The following SPOCK2 variants were observed in gnomAD, a reference collection of about 807,000 sequenced individuals.
SPOCK2 encodes SPARC (osteonectin), cwcv and kazal like domains proteoglycan 2, also known as testican-2.
A neutral mutation model predicts 60.1 loss-of-function variants in SPOCK2; 39 were observed. That is an observed-to-expected ratio of 0.65 (90% CI 0.50 to 0.85). SPOCK2 has a LOEUF of 0.85. Ranked by LOEUF, SPOCK2 falls within the 40% of genes least tolerant of loss-of-function variation. The pLI, the probability that SPOCK2 is intolerant of heterozygous loss-of-function variation, is 0.00. For synonymous variants in SPOCK2, 217 were observed against 231.5 expected, an observed-to-expected ratio of 0.94 and a Z score of 0.57; for missense variants, 523 against 567.4, an observed-to-expected ratio of 0.92 and a Z score of 0.80.
In SPOCK2 at chr10:72,067,841, A is replaced by T. The variant is rs1031267615; in HGVS notation, c.590-109T>A. On this transcript the variant is annotated intron_variant, in intron 6 of 10. Transcript: ENST00000373109. ...CCAGGAGGCTGGGCAGGGGTCCGGG[A>T]GGCAGCAGCAGAAGGGAAGGTGGAA... 5 of 1,484,626 alleles carry T rather than the reference A, an allele frequency of 3.4e-6. No individual in the cohort carries two copies. The African/African-American group carries it at 7.0e-5, about 21-fold the overall frequency. The allele number at this position is 1,484,626 out of a possible 1,614,324, so 92.0% of individuals were successfully genotyped here.
At chr10:72,080,675 C>T (rs868796496) in intron 1 of SPOCK2, among the ~76,000 whole-genome samples, 1 of 151,936 alleles carries the variant, frequency 6.6e-6, no homozygotes, top group Non-Finnish European at 1.5e-5. Context: ...TTGGAGGGGG[C>T]GGCAGAGGCT....
intron 1 of SPOCK2, chr10:72,086,965 T>C (rs1305364954): frequency 2.6e-6 from 4 of 1,551,590 alleles, no homozygotes; most frequent in Middle Eastern, 1.7e-4. Context: ...GTGGCCTGCG[T>C]TGTACTGGGT....
At chr10:72,077,662 A>C (rs1245560) in intron 1 of SPOCK2, among the ~76,000 whole-genome samples, 77,122 of 151,992 alleles carry the variant, frequency 0.51, 19,669 homozygotes, top group African/African-American at 0.54. Context: ...GATGAAAAAG[A>C]ACAGCCATTC....
At chr10:72,084,280 C>T (rs1488792995) in intron 1 of SPOCK2, among the ~76,000 whole-genome samples, 1 of 152,248 alleles carries the variant, frequency 6.6e-6, no homozygotes, top group Non-Finnish European at 1.5e-5. Context: ...TGGCAAGGTG[C>T]CTTCACACCT....
At position 72,063,127 on chromosome 10, in the gene SPOCK2, A is replaced by C. The variant is rs1840518797; in HGVS notation, c.1027T>G (p.Tyr343Asp). ...CTCTGGTCACACTGCATCTTCCGGT[A>C]GTAGCCATCCTCGTCGCAGCTCGGG... ...FIPSCDEDGY[Y>D]RKMQCDQSSG... The change falls in exon 10 of 11, where the codon TAC (tyrosine) becomes GAC (aspartate). Residue 343 changes from tyrosine to aspartate, a missense_variant. Physicochemically the swap from Tyr to Asp is radical, Grantham distance 160. Coordinates refer to ENST00000373109, the MANE Select transcript of SPOCK2 (RefSeq NM_001244950.2). 1.3e-6 allele frequency: 2 copies of C among 1,556,548 alleles called. No homozygotes were observed. The highest frequency in any genetic ancestry group is 1.7e-6 in the Non-Finnish European group (2 of 1,149,766).
At position 72,072,253 on chromosome 10, in the gene SPOCK2, C is replaced by A; in HGVS notation, c.250G>T (p.Asp84Tyr). The change falls in exon 4 of 11, where the codon GAT (aspartate) becomes TAT (tyrosine). Residue 84 changes from aspartate to tyrosine, a missense_variant. Physicochemically the swap from Asp to Tyr is radical, Grantham distance 160 (BLOSUM62 -3). Transcript: ENST00000373109. ...TTCTGGCAGGGGTCCTTGGTGGTAT[C>A]CAGGGCTGCAGGGGCACAGAGTCAG... ...EDNQQGDEAL[D>Y]TTKDPCQKVK... 6.5e-7 allele frequency: 1 copy of A among 1,533,180 alleles called. No homozygotes were observed. Among genetic ancestry groups the A allele is most frequent in the Non-Finnish European group, 8.8e-7 (1 of 1,139,202 alleles). 95.0% of individuals were successfully genotyped at this position (1,533,180 alleles called of 1,614,324 possible).
At chr10:72,081,940 G>A (rs537179939) in intron 1 of SPOCK2, among the ~76,000 whole-genome samples, 3 of 152,230 alleles carry the variant, frequency 2.0e-5, no homozygotes, top group South Asian at 2.1e-4. Flanking sequence ...CAGTGCACAC[G>A]TTTACATTGA....
At position 72,059,946 on chromosome 10, in the gene SPOCK2, A is replaced by G. The variant is rs1840470136; in HGVS notation, c.*2814T>C. ...GGAGTTCCAGGACCAAGCAAGCAAG[A>G]AACCGTTCTTTGAACACATGGTTAA... On this transcript the variant is annotated 3_prime_UTR_variant, in exon 11 of 11. Transcript: ENST00000373109. 6.5e-6 allele frequency: 1 copy of G among 152,742 alleles called. No homozygotes were observed. Among genetic ancestry groups the G allele is most frequent in the African/African-American group, 2.4e-5 (1 of 41,454 alleles). The allele number at this position is 152,742 out of a possible 1,614,324, so 9.5% of individuals were successfully genotyped here.
chr10:72,062,671 C>T lies in SPOCK2; in HGVS notation c.*89G>A. ...CCCAGGTGGAGCAGGGTCCTTCTGA[C>T]TGCATTTCTGGATCCGTTCTCGAAG... On this transcript the variant is annotated 3_prime_UTR_variant, in exon 11 of 11. Coordinates refer to ENST00000373109, the MANE Select transcript of SPOCK2 (RefSeq NM_001244950.2). The surrounding 1 kb of genome is among the most constrained non-coding windows in gnomAD (Gnocchi z 4.3). 1.3e-6 allele frequency: 2 copies of T among 1,524,374 alleles called. No homozygotes were observed. The highest frequency in any genetic ancestry group is 1.7e-6 in the Non-Finnish European group (2 of 1,145,304). 94.4% of individuals were successfully genotyped at this position (1,524,374 alleles called of 1,614,324 possible). A position where few individuals can be genotyped will look rare whatever the true frequency, so the allele number is the denominator to read the frequency against.
chr10:72,072,163 G>T lies in SPOCK2; in HGVS notation c.340C>A (p.Arg114Ser). The T allele has an allele frequency of 6.5e-7, 1 of 1,530,130 alleles. No homozygotes were observed. The highest frequency in any genetic ancestry group is 8.8e-7 in the Non-Finnish European group (1 of 1,139,086). 94.8% of individuals were successfully genotyped at this position (1,530,130 alleles called of 1,614,324 possible). Residue 114 changes from arginine (R) to serine (S), a missense_variant, in exon 4 of 11, where the codon CGC (arginine) becomes AGC (serine). By Grantham distance (110) the Arg-to-Ser change is moderately radical. Transcript: ENST00000373109. ...QGYQRAMCISRKKLEHRIKQP... is the reference protein window; with the variant it reads ...QGYQRAMCISSKKLEHRIKQP... Reference sequence around the variant, plus strand: ...TCTCACCTGTGCTCCAGCTTCTTGCGACTGATGCACATGGCCCGCTGGTAG... The same window carrying T: ...TCTCACCTGTGCTCCAGCTTCTTGCTACTGATGCACATGGCCCGCTGGTAG...
chr10:72,086,683 G>A, intron 1 of SPOCK2: 4 of 1,306,592 alleles, frequency 3.1e-6, no homozygotes, highest in Non-Finnish European at 3.9e-6. Context: ...CGCATGTGGG[G>A]CGAAGGCGGA....
intron 1 of SPOCK2, among the ~76,000 whole-genome samples, chr10:72,084,522 C>G (rs1840830224): frequency 6.6e-6 from 1 of 151,930 alleles, no homozygotes; most frequent in Non-Finnish European, 1.5e-5. Context: ...GGGCTTTGGC[C>G]CACCTTCCTA....
chr10:72,066,092 G>A (rs565194873), intron 8 of SPOCK2, among the ~76,000 whole-genome samples: 8 of 152,130 alleles, frequency 5.3e-5, no homozygotes, highest in African/African-American at 1.7e-4. Flanking sequence ...TCCATTTTCC[G>A]AGATGACTCT....
At chr10:72,075,658 C>G (rs572281832) in intron 1 of SPOCK2, among the ~76,000 whole-genome samples, 3 of 152,340 alleles carry the variant, frequency 2.0e-5, no homozygotes, top group South Asian at 4.1e-4. Flanking sequence ...CACCATCCCC[C>G]ACTCCCTTCC....
chr10:72,081,041 G>C (rs1266345266), intron 1 of SPOCK2, among the ~76,000 whole-genome samples: 1 of 152,188 alleles, frequency 6.6e-6, no homozygotes, highest in Admixed American at 6.5e-5. Context: ...CTGGAACATG[G>C]GGGTGGGGGT....
At chr10:72,074,873 C>A (rs1020950763) in intron 1 of SPOCK2, among the ~76,000 whole-genome samples, 1 of 152,150 alleles carries the variant, frequency 6.6e-6, no homozygotes, top group Non-Finnish European at 1.5e-5. Flanking sequence ...TCCCTCTGCT[C>A]GGCCCACACC....
intron 1 of SPOCK2, among the ~76,000 whole-genome samples, chr10:72,085,453 T>A (rs1261442143): frequency 6.6e-6 from 1 of 152,218 alleles, no homozygotes; most frequent in Admixed American, 6.5e-5. Flanking sequence ...CTGCGCTCCC[T>A]CTCAACCAGC....
At chr10:72,086,251 G>A (rs1840853397) in intron 1 of SPOCK2, 2 of 986,788 alleles carry the variant, frequency 2.0e-6, no homozygotes, top group Non-Finnish European at 2.4e-6. Context: ...TTCTTCTGAT[G>A]AGCATGAGAG....
At chr10:72,067,176 G>T in intron 7 of SPOCK2, 56 bp from the exon 8 acceptor site, 1 of 1,523,798 alleles carries the variant, frequency 6.6e-7, no homozygotes, top group Non-Finnish European at 8.9e-7. Context: ...CGTTTCTCCA[G>T]CCCTCCATCT....
Sources: allele counts gnomAD v4.1 joint callset (sites outside exome capture counted in the v4.1 genomes callset), GRCh38; gene constraint gnomAD v4.1.1; non-coding constraint Gnocchi (gnomAD v3.1); transcripts MANE v1.5; gene names NCBI Gene and HGNC (gene_info 2026-07-23, HGNC 2026-07-21).